Variants in NFIA observed in about 807,000 individuals in gnomAD.
NFIA encodes the protein nuclear factor I A, also known as nuclear factor 1 A-type.
In NFIA, 8 loss-of-function variants were observed where a neutral mutation model predicts 62.8. That is an observed-to-expected ratio of 0.13 (90% CI 0.07 to 0.23). NFIA has a LOEUF of 0.23. Among genes scored for constraint, NFIA ranks in the 10% least tolerant of loss-of-function variants. NFIA has a pLI of 1.00. For synonymous variants in NFIA, 235 were observed against 238.1 expected (o/e 0.99, Z 0.12); for missense variants, 410 against 642.1 (o/e 0.64, Z 3.91).
intron 3 of NFIA, among the ~76,000 whole-genome samples, chr1:61,314,565 A>G (rs1349505506): frequency 1.3e-5 from 2 of 152,180 alleles, no homozygotes; most frequent in Non-Finnish European, 2.9e-5. Context: ...AATACTCTCA[A>G]AATTACTTGA....
At chr1:61,154,749 G>A (rs537841558) in intron 2 of NFIA, among the ~76,000 whole-genome samples, 102 of 152,298 alleles carry the variant, frequency 6.7e-4, no homozygotes, top group Non-Finnish European at 1.2e-3. Flanking sequence ...CACTGCATCT[G>A]GCCAAACATA....
chr1:61,310,062 G>A (rs1660015636), intron 3 of NFIA, among the ~76,000 whole-genome samples: 2 of 152,212 alleles, frequency 1.3e-5, no homozygotes, highest in African/African-American at 2.4e-5. Context: ...GTTTTACCAT[G>A]GTAGAGATAA....
intron 2 of NFIA, among the ~76,000 whole-genome samples, chr1:61,169,424 A>T (rs1182283375): frequency 1.3e-5 from 2 of 152,170 alleles, no homozygotes; most frequent in Non-Finnish European, 2.9e-5. Flanking sequence ...ATCTCTGTCC[A>T]GTAGAATCCT....
At chr1:61,397,999 A>G (rs1665366479) in intron 7 of NFIA, among the ~76,000 whole-genome samples, 1 of 152,244 alleles carries the variant, frequency 6.6e-6, no homozygotes, top group Admixed American at 6.5e-5. Flanking sequence ...ATTGACTGTC[A>G]GGGGTCTGAC....
At chr1:61,305,268 G>A (rs1659706685) in intron 3 of NFIA, among the ~76,000 whole-genome samples, 1 of 152,028 alleles carries the variant, frequency 6.6e-6, no homozygotes, top group African/African-American at 2.4e-5. Flanking sequence ...GGGATGGGAA[G>A]GGGTGGCAGA....
At chr1:61,188,204 G>A (rs937923853) in intron 2 of NFIA, among the ~76,000 whole-genome samples, 1 of 151,890 alleles carries the variant, frequency 6.6e-6, no homozygotes, top group Admixed American at 6.6e-5. Flanking sequence ...GCGCCCCCAC[G>A]CCAGCTAATT....
Position 61,406,543 on chromosome 1 carries a change from G to GGGGGGCCCCCCCCCC in NFIA, c.1255-19_1255-18insGGGGGCCCCCCCCCC. Reference sequence around the variant, plus strand: ...TCTTTTTCTTGTACGTGTGTTTTCTGCCCCCCCCCCCCCCACAGCCCAATG... The same window carrying GGGGGGCCCCCCCCCC: ...TCTTTTTCTTGTACGTGTGTTTTCTGGGGGGCCCCCCCCCCCCCCCCCCCCCCCCACAGCCCAATG... On this transcript the variant is annotated intron_variant, in intron 8 of 10. Coordinates refer to ENST00000403491, the MANE Select transcript of NFIA (RefSeq NM_001134673.4). 1.1e-6 allele frequency: 1 copy of GGGGGGCCCCCCCCCC among 876,654 alleles called. No homozygotes were observed. Among genetic ancestry groups the GGGGGGCCCCCCCCCC allele is most frequent in the Non-Finnish European group, 1.5e-6 (1 of 653,744 alleles). The allele number at this position is 876,654 out of a possible 1,614,324, so 54.3% of individuals were successfully genotyped here.
At chr1:61,155,367 T>A (rs2100527453) in intron 2 of NFIA, among the ~76,000 whole-genome samples, 1 of 152,308 alleles carries the variant, frequency 6.6e-6, no homozygotes, top group East Asian at 1.9e-4. Context: ...AAACAAATGA[T>A]GTTTGACTTT....
rs17121620 is a variant in NFIA at position 61,117,826 on chromosome 1, A to G, written c.559+29146A>G. On this transcript the variant is annotated intron_variant, in intron 2 of 10. Coordinates refer to ENST00000403491, the MANE Select transcript of NFIA (RefSeq NM_001134673.4). ...TAGTCTGTAGCCTCAAATTTTCTAT[A>G]ATCTCGTGATAAAAGTAGGTACCAG... Among the ~76,000 whole-genome samples the G allele has an allele frequency of 0.013, 2,049 of 152,258 alleles. 93 individuals are homozygous for G. In the East Asian group the frequency reaches 0.18, roughly 13 times the overall value.
intron 3 of NFIA, among the ~76,000 whole-genome samples, chr1:61,283,581 CAAAAAAAAA>C (rs576613886): frequency 0.23 from 8,529 of 36,658 alleles, 409 homozygotes; most frequent in East Asian, 0.43. Context: ...GACTCTGTCT[CAAAAAAAAA>C]AAAAAAAAAA....
At chr1:61,445,509 T>C (rs532760645) in intron 10 of NFIA, among the ~76,000 whole-genome samples, 1 of 152,352 alleles carries the variant, frequency 6.6e-6, no homozygotes, top group South Asian at 2.1e-4. Context: ...CTGCAAACTC[T>C]CCCATGTGGG....
At chr1:61,086,677 A>G (rs922736255) in intron 1 of NFIA, among the ~76,000 whole-genome samples, 2 of 152,074 alleles carry the variant, frequency 1.3e-5, no homozygotes, top group African/African-American at 2.4e-5. Flanking sequence ...TCAGTCATAT[A>G]GAGTGTTTAA....
At chr1:61,295,806 G>A (rs1344026338) in intron 3 of NFIA, among the ~76,000 whole-genome samples, 1 of 152,216 alleles carries the variant, frequency 6.6e-6, no homozygotes, top group Non-Finnish European at 1.5e-5. Flanking sequence ...TATGTAAAAT[G>A]AGCTATTGTA....
chr1:61,166,094 A>G (rs1359858568), intron 2 of NFIA, among the ~76,000 whole-genome samples: 1 of 152,226 alleles, frequency 6.6e-6, no homozygotes, highest in East Asian at 1.9e-4. Flanking sequence ...CAGATGCTGT[A>G]TGAAAATCTA....
At chr1:61,140,935 G>A (rs982298490) in intron 2 of NFIA, among the ~76,000 whole-genome samples, 2 of 144,060 alleles carry the variant, frequency 1.4e-5, no homozygotes, top group African/African-American at 2.6e-5. Context: ...AGCTGGTGCT[G>A]TAGTTGGGCT....
chr1:61,188,558 A>G (rs1651373951), intron 2 of NFIA, among the ~76,000 whole-genome samples: 1 of 152,174 alleles, frequency 6.6e-6, no homozygotes, highest in Non-Finnish European at 1.5e-5. Flanking sequence ...AGCCACTTGG[A>G]TGCTGTTTGA....
chr1:61,174,420 T>C (rs1380014558), intron 2 of NFIA, among the ~76,000 whole-genome samples: 2 of 152,210 alleles, frequency 1.3e-5, no homozygotes, highest in Non-Finnish European at 2.9e-5. Context: ...AAATGGACTT[T>C]TAATGGAAAG....
At chr1:61,318,843 A>G (rs1408357796) in intron 3 of NFIA, among the ~76,000 whole-genome samples, 2 of 152,190 alleles carry the variant, frequency 1.3e-5, no homozygotes, top group African/African-American at 4.8e-5. Context: ...CATAGAGGAA[A>G]GGCCACCTTC....
chr1:61,402,888 C>G (rs138773242), intron 7 of NFIA, among the ~76,000 whole-genome samples: 111 of 152,242 alleles, frequency 7.3e-4, no homozygotes, highest in Non-Finnish European at 1.4e-3. Context: ...AGAAAGTGCC[C>G]CAATCATGAG....
Sources: allele counts gnomAD v4.1 joint callset (sites outside exome capture counted in the v4.1 genomes callset), GRCh38; gene constraint gnomAD v4.1.1; transcripts MANE v1.5; gene names NCBI Gene and HGNC (gene_info 2026-07-23, HGNC 2026-07-21).